Variants in CCSER1 observed in about 807,000 individuals in gnomAD.
CCSER1 encodes coiled-coil serine rich protein 1.
A neutral mutation model predicts 82.0 loss-of-function variants in CCSER1; 41 were observed. The ratio of observed to expected loss-of-function variants is 0.50; its 90% CI spans 0.39 to 0.65. The LOEUF (loss-of-function observed/expected upper bound fraction) is 0.65. CCSER1 is among the 30% of genes least tolerant of loss of function. The pLI is 0.00. For missense variants in CCSER1, 1,119 were observed against 1,064.2 expected (o/e 1.05, Z -0.72); for synonymous variants, 414 against 383.9 (o/e 1.08, Z -0.92).
At position 90,993,462 on chromosome 4, in the gene CCSER1, A is replaced by AT. The variant is rs150700987; in HGVS notation, c.2172+70025dup. On this transcript the variant is annotated intron_variant, in intron 9 of 10. Transcript: ENST00000509176. Reference sequence around the variant, plus strand: ...TTGATATTATTATGCTTATTTCCTTATTTTTTTTTTCTATCTCTCTTCTAG... The same window carrying AT: ...TTGATATTATTATGCTTATTTCCTTATTTTTTTTTTTCTATCTCTCTTCTAG... 8.6e-3 allele frequency among the ~76,000 whole-genome samples: 1,276 copies of AT among 148,948 alleles called. 10 individuals are homozygous for AT. Among genetic ancestry groups the AT allele is most frequent in the African/African-American group, 0.019 (791 of 40,684 alleles).
intron 4 of CCSER1, among the ~76,000 whole-genome samples, chr4:90,415,105 AG>A (rs1185067712): frequency 6.6e-6 from 1 of 152,148 alleles, no homozygotes; most frequent in Non-Finnish European, 1.5e-5. Flanking sequence ...GCATGTATGA[AG>A]AAAGAAAATC....
chr4:91,083,934 C>A (rs1482947245), intron 9 of CCSER1, among the ~76,000 whole-genome samples: 1 of 152,082 alleles, frequency 6.6e-6, no homozygotes, highest in Non-Finnish European at 1.5e-5. Context: ...GTCAGAAAAA[C>A]TGTTTAAAGA....
At chr4:91,471,887 G>A (rs947653055) in intron 10 of CCSER1, among the ~76,000 whole-genome samples, 12 of 149,812 alleles carry the variant, frequency 8.0e-5, no homozygotes, top group Admixed American at 5.3e-4. Context: ...GGAGAATGGC[G>A]TGAACCCGGG....
intron 10 of CCSER1, among the ~76,000 whole-genome samples, chr4:91,283,641 A>G (rs1432732083): frequency 1.3e-5 from 2 of 152,082 alleles, no homozygotes; most frequent in Non-Finnish European, 2.9e-5. Context: ...TACAAACATT[A>G]ATATATATTT....
intron 10 of CCSER1, among the ~76,000 whole-genome samples, chr4:91,217,807 T>C (rs1031408669): frequency 1.3e-5 from 2 of 152,176 alleles, no homozygotes; most frequent in African/African-American, 4.8e-5. Context: ...CTCACAAACC[T>C]TGAGCTAAAC....
chr4:91,394,287 G>A (rs1751834615), intron 10 of CCSER1, among the ~76,000 whole-genome samples: 1 of 152,078 alleles, frequency 6.6e-6, no homozygotes, highest in Admixed American at 6.6e-5. Flanking sequence ...CAAAGTAAAT[G>A]AGGGTAGAAT....
chr4:90,617,407 T>G (rs947960520), intron 5 of CCSER1, among the ~76,000 whole-genome samples: 6 of 152,180 alleles, frequency 3.9e-5, no homozygotes, highest in African/African-American at 1.4e-4. Flanking sequence ...GTGTTTCTGC[T>G]GCTTGTGTAA....
At chr4:90,400,248 C>T in intron 4 of CCSER1, 119 bp downstream of exon 4, 1 of 439,314 alleles carries the variant, frequency 2.3e-6, no homozygotes, top group Non-Finnish European at 4.0e-6. Context: ...TTTTTATAGT[C>T]TATATGCAAA....
At chr4:90,413,480 C>T (rs963663178) in intron 4 of CCSER1, among the ~76,000 whole-genome samples, 2 of 152,042 alleles carry the variant, frequency 1.3e-5, no homozygotes, top group Admixed American at 6.6e-5. Context: ...CATAAAAGAG[C>T]TCACATAGCC....
intron 10 of CCSER1, among the ~76,000 whole-genome samples, chr4:91,178,646 T>A (rs1733663210): frequency 6.6e-6 from 1 of 152,180 alleles, no homozygotes; most frequent in Non-Finnish European, 1.5e-5. Flanking sequence ...TTTTTTTATT[T>A]TCCATTTGCT....
rs190496488 is a variant in CCSER1, at chr4:90,638,619, G to C, written c.1932+10387G>C. ...GATAATGACATCTCTTAGACTGATA[G>C]ATTTTTAGTAACAGTATTCTGCCTA... is the stretch of plus-strand genomic sequence containing the variant. On this transcript the variant is annotated intron_variant, in intron 6 of 10. Coordinates refer to ENST00000509176, the MANE Select transcript of CCSER1 (RefSeq NM_001145065.2). 5.3e-5 allele frequency among the ~76,000 whole-genome samples: 8 copies of C among 152,290 alleles called. No individual in the cohort carries two copies. The East Asian group carries it at 1.5e-3, about 29-fold the overall frequency.
At chr4:91,368,926 T>C (rs931346938) in intron 10 of CCSER1, among the ~76,000 whole-genome samples, 2 of 152,342 alleles carry the variant, frequency 1.3e-5, no homozygotes, top group South Asian at 2.1e-4. Flanking sequence ...ACAGTTACTA[T>C]TGATGAGGAG....
intron 1 of CCSER1, among the ~76,000 whole-genome samples, chr4:90,225,487 A>G (rs973377125): frequency 6.6e-6 from 1 of 152,150 alleles, no homozygotes. Flanking sequence ...CTATAGATCT[A>G]TTATCTCATT....
chr4:91,599,239 A>G lies in CCSER1; in HGVS notation c.*182A>G. The G allele has an allele frequency of 1.4e-6, 1 of 690,720 alleles. No individual in the cohort carries two copies. Among genetic ancestry groups the G allele is most frequent in the Middle Eastern group, 4.2e-4 (1 of 2,380 alleles). 42.8% of individuals were successfully genotyped at this position (690,720 alleles called of 1,614,324 possible). ...TGGGTTTTTTTTTTCCAAGAGTGAAAGTTTGAGCATGTTAATTGAACTAGG... is the reference window on the plus strand; with the variant it reads ...TGGGTTTTTTTTTTCCAAGAGTGAAGGTTTGAGCATGTTAATTGAACTAGG... On this transcript the variant is annotated 3_prime_UTR_variant, in exon 11 of 11. Coordinates refer to ENST00000509176, the MANE Select transcript of CCSER1 (RefSeq NM_001145065.2).
chr4:91,169,065 G>T (rs1044417324), intron 10 of CCSER1, among the ~76,000 whole-genome samples: 1 of 151,884 alleles, frequency 6.6e-6, no homozygotes, highest in Non-Finnish European at 1.5e-5. Flanking sequence ...CACTGTGGAA[G>T]GCCACAGGGA....
intron 4 of CCSER1, among the ~76,000 whole-genome samples, chr4:90,412,562 T>A (rs1755050789): frequency 6.8e-6 from 1 of 147,318 alleles, no homozygotes; most frequent in Non-Finnish European, 1.5e-5. Context: ...TCCATGATGA[T>A]CAAGTGGTTT....
chr4:91,143,137 A>G (rs1054728150), intron 10 of CCSER1, among the ~76,000 whole-genome samples: 1 of 151,758 alleles, frequency 6.6e-6, no homozygotes, highest in Admixed American at 6.6e-5. Context: ...TCATTTGTTT[A>G]TGTCATCACT....
At chr4:90,637,664 C>G (rs897576928) in intron 6 of CCSER1, among the ~76,000 whole-genome samples, 1 of 152,134 alleles carries the variant, frequency 6.6e-6, no homozygotes, top group Non-Finnish European at 1.5e-5. Context: ...TTAAACACAG[C>G]AACTCAAGTA....
intron 5 of CCSER1, among the ~76,000 whole-genome samples, chr4:90,577,609 G>A (rs1349364606): frequency 6.6e-6 from 1 of 151,956 alleles, no homozygotes; most frequent in African/African-American, 2.4e-5. Flanking sequence ...AGTTTGTTCA[G>A]CTTTTAAATT....
Sources: gnomAD v4.1 joint callset for allele counts (sites outside exome capture counted in the v4.1 genomes callset) on GRCh38, gnomAD v4.1.1 for gene constraint, MANE v1.5 for transcripts, NCBI Gene and HGNC (gene_info 2026-07-23, HGNC 2026-07-21) for gene names.